The following RPL28 variants were observed in gnomAD, a reference collection of about 807,000 sequenced individuals.
The protein encoded by RPL28 is ribosomal protein L28.
A neutral mutation model predicts 12.5 loss-of-function variants in RPL28; 4 were observed. That is an observed-to-expected ratio of 0.32 (90% CI 0.16 to 0.73). The LOEUF is 0.73. Ranked by LOEUF, RPL28 falls within the 30% of genes least tolerant of loss-of-function variation. The pLI is 0.66. For missense variants in RPL28, 214 were observed against 197.7 expected (o/e 1.08, Z -0.49); for synonymous variants, 91 against 72.5 (o/e 1.26, Z -1.30).
chr19:55,399,051 G>A (rs1185105103), intron 4 of RPL28, among the ~76,000 whole-genome samples: 1 of 152,074 alleles, frequency 6.6e-6, no homozygotes. Context: ...GCAGTGGTAC[G>A]ATCATAGCTC....
Position 55,390,804 on chromosome 19 carries a change from C to A in RPL28, c.*2472C>A, listed in dbSNP as rs914182068. 1.0e-6 allele frequency: 1 copy of A among 985,336 alleles called. No individual in the cohort carries two copies. The highest frequency in any genetic ancestry group is 1.2e-6 in the Non-Finnish European group (1 of 829,954). 61.0% of individuals were successfully genotyped at this position (985,336 alleles called of 1,614,324 possible). A position where few individuals can be genotyped will look rare whatever the true frequency, so the allele number is the denominator to read the frequency against. On this transcript the variant is annotated 3_prime_UTR_variant, in exon 5 of 5. Coordinates refer to ENST00000344063, the MANE Select transcript of RPL28 (RefSeq NM_000991.5). ...AGAGGGCTGGAGGGAGGGAGATGGTCTCAGCCCCACAGAGTTTGGAGTCCT... is the reference window on the plus strand; with the variant it reads ...AGAGGGCTGGAGGGAGGGAGATGGTATCAGCCCCACAGAGTTTGGAGTCCT...
chr19:55,389,899 C>T lies in RPL28; in HGVS notation c.*1567C>T, dbSNP rs1000956614. 2 of 985,488 alleles carry T rather than the reference C, an allele frequency of 2.0e-6. No individual in the cohort carries two copies. The highest frequency in any genetic ancestry group is 1.7e-5 in the African/African-American group (1 of 57,224). The allele number at this position is 985,488 out of a possible 1,614,324, so 61.0% of individuals were successfully genotyped here. Reference sequence around the variant, plus strand: ...TGACTTCGTACCTGCTCAGGAGCCCCCACTGTCCCAGTCCCACTCAGGCCC... The same window carrying T: ...TGACTTCGTACCTGCTCAGGAGCCCTCACTGTCCCAGTCCCACTCAGGCCC... On this transcript the variant is annotated 3_prime_UTR_variant, in exon 5 of 5. Transcript: ENST00000344063.
chr19:55,399,650 T>G (rs1600315432), intron 4 of RPL28: 1 of 152,186 alleles, frequency 6.6e-6, no homozygotes, highest in Non-Finnish European at 1.5e-5. Context: ...TTCCTGAAGC[T>G]ACGCAGGGGC....
intron 4 of RPL28, chr19:55,401,111 C>A (rs1600316886): frequency 2.6e-6 from 1 of 389,190 alleles, no homozygotes; most frequent in South Asian, 3.5e-5. Context: ...TCTACCTCCA[C>A]AGAACAAAGA....
chr19:55,388,290 G>A lies in RPL28; in HGVS notation c.372G>A (p.Val124=). 1 of 1,586,038 alleles carries A rather than the reference G, an allele frequency of 6.3e-7. No homozygotes were observed. Among genetic ancestry groups the A allele is most frequent in the Non-Finnish European group, 8.6e-7 (1 of 1,166,510 alleles). The part of the protein sequence containing the change: ...ASAILRSQKP[V]MVKRKRTRPT... The stretch of plus-strand genomic sequence containing the variant: ...CCATCCTGCGCAGCCAGAAGCCTGT[G>A]ATGGTGAAGAGGAAGCGGACCCGCC... Residue 124 remains valine, a synonymous_variant, in exon 5 of 5, where the codon GTG becomes GTA. Coordinates refer to ENST00000344063, the MANE Select transcript of RPL28 (RefSeq NM_000991.5).
rs2089994708 is a variant in RPL28 at position 55,392,021 on chromosome 19, G to C, written c.*3689G>C. On this transcript the variant is annotated 3_prime_UTR_variant, in exon 5 of 5. Coordinates refer to ENST00000344063, the MANE Select transcript of RPL28 (RefSeq NM_000991.5). ...GCCCAGGCTGTTTGGCGCTGCCCAG[G>C]AATGGTATCAATTCCCCTGTTTCTC... 9.2e-7 allele frequency: 1 copy of C among 1,085,914 alleles called. No individual in the cohort carries two copies. The highest frequency in any genetic ancestry group is 1.6e-5 in the African/African-American group (1 of 60,990). 67.3% of individuals were successfully genotyped at this position (1,085,914 alleles called of 1,614,324 possible).
chr19:55,386,094 CGTT>C (rs1008263210), intron 1 of RPL28, 129 bp downstream of exon 1: 2 of 484,308 alleles, frequency 4.1e-6, no homozygotes, highest in African/African-American at 2.0e-5. Flanking sequence ...CCCGTGAAGT[CGTT>C]GTGAATTTTC....
downstream of RPL28, among the ~76,000 whole-genome samples, chr19:55,393,531 T>C (rs927834691): frequency 1.3e-5 from 2 of 152,104 alleles, no homozygotes; most frequent in African/African-American, 4.8e-5. Context: ...CCCTATCTTA[T>C]TCCAGAACAT....
chr19:55,397,597 G>A (rs1457259860), intron 4 of RPL28, among the ~76,000 whole-genome samples: 1 of 151,846 alleles, frequency 6.6e-6, no homozygotes, highest in Non-Finnish European at 1.5e-5. Context: ...AGCCAGGATA[G>A]TCTCGATCTC....
At chr19:55,403,231 A>G in exon 5 of RPL28, 1 of 611,730 alleles carries the variant, frequency 1.6e-6, no homozygotes, top group Non-Finnish European at 2.9e-6. Context: ...GCTATTAAAA[A>G]ACCACTGAAC....
intron 4 of RPL28, among the ~76,000 whole-genome samples, chr19:55,402,605 A>C (rs936379177): frequency 6.6e-6 from 1 of 152,212 alleles, no homozygotes; most frequent in Non-Finnish European, 1.5e-5. Flanking sequence ...CTCAGCAGAT[A>C]TCACTGATGG....
chr19:55,387,277 C>T (rs1020959632), intron 3 of RPL28: 4 of 1,551,504 alleles, frequency 2.6e-6, no homozygotes, highest in African/African-American at 2.7e-5. Flanking sequence ...GCTGTATTTT[C>T]TTTTTAGAGT....
rs186578211 is a variant in RPL28, at chr19:55,389,777, C to T, written c.*1445C>T. The T allele has an allele frequency of 4.7e-4, 459 of 985,496 alleles. No individual in the cohort carries two copies. The highest frequency in any genetic ancestry group is 5.4e-4 in the Non-Finnish European group (445 of 830,000). The allele number at this position is 985,496 out of a possible 1,614,324, so 61.0% of individuals were successfully genotyped here. ...TATTAGCTCAGATTGAGAGGTGTTG[C>T]CTTAAAACTGAGTTGGGTGACTTGG... On this transcript the variant is annotated 3_prime_UTR_variant, in exon 5 of 5. Coordinates refer to ENST00000344063, the MANE Select transcript of RPL28 (RefSeq NM_000991.5).
chr19:55,391,070 C>G lies in RPL28; in HGVS notation c.*2738C>G, dbSNP rs939812928. The G allele has an allele frequency of 3.4e-6, 2 of 586,168 alleles. No homozygotes were observed. The highest frequency in any genetic ancestry group is 1.3e-4 in the Admixed American group (2 of 15,820). 36.3% of individuals were successfully genotyped at this position (586,168 alleles called of 1,614,324 possible). On this transcript the variant is annotated 3_prime_UTR_variant, in exon 5 of 5. Coordinates refer to ENST00000344063, the MANE Select transcript of RPL28 (RefSeq NM_000991.5). ...AGAACAAAAGAAAAGCGTCTTGTCA[C>G]ATACAGAAGGTCCCTGATAAAGTTA...
Position 55,391,713 on chromosome 19 carries a change from C to T in RPL28, c.*3381C>T. On this transcript the variant is annotated 3_prime_UTR_variant, in exon 5 of 5. Coordinates refer to ENST00000344063, the MANE Select transcript of RPL28 (RefSeq NM_000991.5). Reference sequence around the variant, plus strand: ...GATGAGAAGATTAAATGTGCAAAACCTGCTTGACTGTGCCCACAAATCCTG... The same window carrying T: ...GATGAGAAGATTAAATGTGCAAAACTTGCTTGACTGTGCCCACAAATCCTG... 2.0e-6 allele frequency: 3 copies of T among 1,521,008 alleles called. No homozygotes were observed. The highest frequency in any genetic ancestry group is 2.7e-6 in the Non-Finnish European group (3 of 1,123,510). 94.2% of individuals were successfully genotyped at this position (1,521,008 alleles called of 1,614,324 possible).
chr19:55,387,179 T>G, intron 3 of RPL28: 1 of 1,326,252 alleles, frequency 7.5e-7, no homozygotes, highest in Non-Finnish European at 1.1e-6. Flanking sequence ...TGCTGTCAGG[T>G]GCAGGCCTTT....
In RPL28 at chr19:55,386,363, T is replaced by A. The variant is rs759829389; in HGVS notation, c.6T>A (p.Ser2=). 87 of 1,613,932 alleles carry A rather than the reference T, an allele frequency of 5.4e-5. No homozygotes were observed. The Admixed American group carries it at 1.4e-3, about 27-fold the overall frequency. The change falls in exon 2 of 5, where the codon TCT becomes TCA. Residue 2 remains serine (S), a synonymous_variant. Transcript: ENST00000344063. M[S]AHLQWMVVRN... ...GTTTCCCCGCAGCCGCCGCCATGTC[T>A]GCGCATCTGCAATGGATGGTCGTGC... is the stretch of plus-strand genomic sequence containing the variant.
rs1337231156 is a variant in RPL28, at chr19:55,401,864, C to T, written c.325-1079C>T. ...CCGCACTGGCTGTTCCTTCTGCTCC[C>T]AACTCAGCTGCAGATCCAGGCCCCA... On this transcript the variant is annotated intron_variant, in intron 4 of 4. Transcript: ENST00000560055. 2.8e-5 allele frequency: 35 copies of T among 1,270,986 alleles called. No homozygotes were observed. In the Admixed American group the frequency reaches 4.0e-4, roughly 14 times the overall value. The allele number at this position is 1,270,986 out of a possible 1,614,324, so 78.7% of individuals were successfully genotyped here.
chr19:55,389,887 G>A lies in RPL28; in HGVS notation c.*1555G>A. On this transcript the variant is annotated 3_prime_UTR_variant, in exon 5 of 5. Coordinates refer to ENST00000344063, the MANE Select transcript of RPL28 (RefSeq NM_000991.5). Reference sequence around the variant, plus strand: ...TCACTCCGCTGGTGACTTCGTACCTGCTCAGGAGCCCCCACTGTCCCAGTC... The same window carrying A: ...TCACTCCGCTGGTGACTTCGTACCTACTCAGGAGCCCCCACTGTCCCAGTC... The A allele has an allele frequency of 1.0e-6, 1 of 985,534 alleles. No individual in the cohort carries two copies. The highest frequency in any genetic ancestry group is 1.2e-6 in the Non-Finnish European group (1 of 830,092). The allele number at this position is 985,534 out of a possible 1,614,324, so 61.0% of individuals were successfully genotyped here. A position where few individuals can be genotyped will look rare whatever the true frequency, so the allele number is the denominator to read the frequency against.
Sources: allele counts gnomAD v4.1 joint callset (sites outside exome capture counted in the v4.1 genomes callset), GRCh38; gene constraint gnomAD v4.1.1; transcripts MANE v1.5; gene names NCBI Gene and HGNC (gene_info 2026-07-23, HGNC 2026-07-21).